Variants in ANO10 observed in about 807,000 individuals in gnomAD.
The protein encoded by ANO10 is anoctamin 10.
A neutral mutation model predicts 74.7 loss-of-function variants in ANO10; 77 were observed. The ratio of observed to expected loss-of-function variants is 1.03; its 90% CI spans 0.86 to 1.25. The LOEUF (loss-of-function observed/expected upper bound fraction) is 1.25. Ranked by LOEUF, ANO10 falls within the 50% of genes most tolerant of loss-of-function variation. ANO10 has a pLI of 0.00. For missense variants in ANO10, 721 were observed against 778.1 expected (o/e 0.93, Z 0.87); for synonymous variants, 279 against 284.9 (o/e 0.98, Z 0.21).
At chr3:43,411,890 A>C (rs1375207675) in intron 12 of ANO10, among the ~76,000 whole-genome samples, 1 of 152,054 alleles carries the variant, frequency 6.6e-6, no homozygotes, top group African/African-American at 2.4e-5. Flanking sequence ...TAATTAACTC[A>C]CAAAGACTTA....
intron 1 of ANO10, among the ~76,000 whole-genome samples, chr3:43,631,755 TA>T (rs373728765): frequency 0.025 from 2,901 of 114,598 alleles, 73 homozygotes; most frequent in African/African-American, 0.077. Flanking sequence ...AAAGTGCTTA[TA>T]AAAAAAAAAA....
intron 3 of ANO10, 47 bp downstream of exon 3, chr3:43,600,337 C>A (rs768042226): frequency 2.5e-6 from 4 of 1,600,890 alleles, no homozygotes; most frequent in South Asian, 2.2e-5. Flanking sequence ...TCATAAACTT[C>A]TTTTTGATAA....
intron 1 of ANO10, among the ~76,000 whole-genome samples, chr3:43,665,724 T>C (rs889134642): frequency 6.6e-6 from 1 of 152,206 alleles, no homozygotes; most frequent in Non-Finnish European, 1.5e-5. Context: ...CAGGATTCAC[T>C]GGTTGGTCGT....
At chr3:43,475,762 C>G (rs1298273934) in intron 11 of ANO10, among the ~76,000 whole-genome samples, 1 of 152,064 alleles carries the variant, frequency 6.6e-6, no homozygotes, top group East Asian at 1.9e-4. Flanking sequence ...CCACACCTGG[C>G]AAAGTTTTTT....
intron 11 of ANO10, among the ~76,000 whole-genome samples, chr3:43,451,013 A>G (rs1215638511): frequency 6.6e-6 from 1 of 152,230 alleles, no homozygotes; most frequent in Non-Finnish European, 1.5e-5. Context: ...CAATCTGATT[A>G]GAAGAAACTC....
intron 12 of ANO10, among the ~76,000 whole-genome samples, chr3:43,392,315 T>G (rs2092292891): frequency 6.6e-6 from 1 of 152,224 alleles, no homozygotes; most frequent in Non-Finnish European, 1.5e-5. Context: ...ATTCTTTCAG[T>G]GTGTGTGGTT....
At chr3:43,490,837 G>T (rs2076691913) in intron 11 of ANO10, among the ~76,000 whole-genome samples, 1 of 152,174 alleles carries the variant, frequency 6.6e-6, no homozygotes, top group Admixed American at 6.5e-5. Flanking sequence ...TGACCATCAG[G>T]TGATGGTCAG....
chr3:43,656,921 G>A (rs2083862247), intron 1 of ANO10, among the ~76,000 whole-genome samples: 1 of 152,260 alleles, frequency 6.6e-6, no homozygotes, highest in Non-Finnish European at 1.5e-5. Flanking sequence ...GCCAAAGTGG[G>A]AGCCCAGGCA....
intron 1 of ANO10, among the ~76,000 whole-genome samples, chr3:43,665,454 A>T (rs962089713): frequency 9.9e-5 from 15 of 152,182 alleles, no homozygotes; most frequent in Middle Eastern, 3.2e-3. Flanking sequence ...GCAAACCACC[A>T]TGGCACGTGT....
At chr3:43,653,344 A>C (rs572259061) in intron 1 of ANO10, among the ~76,000 whole-genome samples, 1 of 151,474 alleles carries the variant, frequency 6.6e-6, no homozygotes, top group South Asian at 2.1e-4. Flanking sequence ...TGGATAGTTA[A>C]AGAAATGCCA....
At chr3:43,422,728 G>A (rs2092837747) in intron 12 of ANO10, among the ~76,000 whole-genome samples, 1 of 152,090 alleles carries the variant, frequency 6.6e-6, no homozygotes. Flanking sequence ...CCTATGATTT[G>A]GCCATGTTTC....
intron 12 of ANO10, among the ~76,000 whole-genome samples, chr3:43,379,625 GC>G (rs2091904121): frequency 6.6e-6 from 1 of 152,204 alleles, no homozygotes; most frequent in Non-Finnish European, 1.5e-5. Context: ...AAAGTTCTCA[GC>G]CCTGGAAATA....
At chr3:43,522,159 T>C (rs1010061541) in intron 11 of ANO10, among the ~76,000 whole-genome samples, 2 of 151,264 alleles carry the variant, frequency 1.3e-5, no homozygotes, top group Admixed American at 1.3e-4. Flanking sequence ...AAATGGAGAG[T>C]CATTGCCTGC....
intron 11 of ANO10, among the ~76,000 whole-genome samples, chr3:43,532,938 GCATGGCACAAACGT>G (rs1415276413): frequency 4.1e-4 from 63 of 152,138 alleles, no homozygotes; most frequent in Admixed American, 5.2e-4. Context: ...TCCCTGTTCT[GCATGGCACAAACGT>G]TCTCTATACT....
intron 11 of ANO10, among the ~76,000 whole-genome samples, chr3:43,535,382 T>G (rs2078669928): frequency 6.6e-6 from 1 of 151,696 alleles, no homozygotes; most frequent in African/African-American, 2.4e-5. Context: ...TTCAAGCGAT[T>G]CTCCTGCCTC....
chr3:43,372,440 A>G (rs17075624), intron 12 of ANO10, among the ~76,000 whole-genome samples: 3,926 of 152,218 alleles, frequency 0.026, 175 homozygotes, highest in African/African-American at 0.087. Flanking sequence ...TGGGGACTAC[A>G]GTTCACCCCT....
In ANO10 at chr3:43,372,826, A is replaced by G. The variant is rs6441771; in HGVS notation, c.1915-5852T>C. On this transcript the variant is annotated intron_variant, in intron 12 of 12. Coordinates refer to ENST00000292246, the MANE Select transcript of ANO10 (RefSeq NM_018075.5). ...GTGCTCCATGAATACCGTGGAAGAGAGACCAGCTTGCAGCTTGCAGCCTGC... is the reference window on the plus strand; with the variant it reads ...GTGCTCCATGAATACCGTGGAAGAGGGACCAGCTTGCAGCTTGCAGCCTGC... The G allele has an allele frequency of 1, 1,529,768 of 1,535,482 alleles. 762,204 individuals are homozygous for G. Among genetic ancestry groups the G allele is most frequent in the East Asian group, 1 (40,905 of 40,906 alleles).
At chr3:43,598,688 C>T in intron 3 of ANO10, 22 bp from the exon 4 acceptor site, 1 of 1,560,812 alleles carries the variant, frequency 6.4e-7, no homozygotes, top group South Asian at 1.1e-5. Context: ...CAGAAATTAC[C>T]AGATTTTAGT....
chr3:43,679,525 C>T (rs1292620109), intron 1 of ANO10, among the ~76,000 whole-genome samples: 1 of 152,160 alleles, frequency 6.6e-6, no homozygotes, highest in Non-Finnish European at 1.5e-5. Context: ...CAGGGCATAG[C>T]CAAACAAAAG....
Sources: gnomAD v4.1 joint callset for allele counts (sites outside exome capture counted in the v4.1 genomes callset) on GRCh38, gnomAD v4.1.1 for gene constraint, MANE v1.5 for transcripts, NCBI Gene and HGNC (gene_info 2026-07-23, HGNC 2026-07-21) for gene names.